The following ARHGAP28 variants were observed in gnomAD, a reference collection of about 807,000 sequenced individuals.
ARHGAP28 encodes the protein rho GTPase-activating protein 28.
A neutral mutation model predicts 90.7 loss-of-function variants in ARHGAP28; 56 were observed. That is an observed-to-expected ratio of 0.62 (90% CI 0.50 to 0.77). The LOEUF (loss-of-function observed/expected upper bound fraction) is 0.77, where lower values mean the gene tolerates loss of function less well. Ranked by LOEUF, ARHGAP28 falls within the 30% of genes least tolerant of loss-of-function variation. The pLI, the probability that ARHGAP28 is intolerant of heterozygous loss-of-function variation, is 0.00. For missense variants in ARHGAP28, 869 were observed against 900.9 expected (o/e 0.96, Z 0.45); for synonymous variants, 308 against 323.3 (o/e 0.95, Z 0.51).
In ARHGAP28 at chr18:6,868,218, T is replaced by A. The variant is rs2057053466; in HGVS notation, c.795T>A (p.Val265=). ...GATCACCGGAGCCTGGACAGCCAGT[T>A]CAGAATGCGATAAGTGGTGAGCGGC... ...SNGSPEPGQP[V]QNAISDDDFL... is the part of the protein sequence containing the mutation. The change falls in exon 6 of 18, where the codon GTT becomes GTA. Residue 265 remains valine, a synonymous_variant. Coordinates refer to ENST00000383472, the MANE Select transcript of ARHGAP28 (RefSeq NM_001366230.1). 6.2e-7 allele frequency: 1 copy of A among 1,614,124 alleles called. No individual in the cohort carries two copies. Among genetic ancestry groups the A allele is most frequent in the Non-Finnish European group, 8.5e-7 (1 of 1,179,970 alleles).
intron 1 of ARHGAP28, among the ~76,000 whole-genome samples, chr18:6,763,121 T>G (rs1256268503): frequency 2.6e-5 from 4 of 152,084 alleles, no homozygotes; most frequent in African/African-American, 4.8e-5. Flanking sequence ...GATGGAGTCT[T>G]GCACTGTCTC....
intron 1 of ARHGAP28, among the ~76,000 whole-genome samples, chr18:6,815,993 C>T (rs575667530): frequency 4.3e-4 from 65 of 152,088 alleles, no homozygotes; most frequent in African/African-American, 1.5e-3. Context: ...CCTTCCCAAT[C>T]TACAAACACA....
At chr18:6,868,127 G>T (rs367612290) in intron 5 of ARHGAP28, 23 bp from the exon 6 acceptor site, 2 of 1,594,532 alleles carry the variant, frequency 1.3e-6, no homozygotes, top group African/African-American at 1.3e-5. Flanking sequence ...AATGTTTTGT[G>T]TTCATCTTCC....
chr18:6,890,372 G>C, intron 13 of ARHGAP28, 58 bp from the exon 14 acceptor site: 1 of 1,141,192 alleles, frequency 8.8e-7, no homozygotes, highest in Admixed American at 2.0e-5. Flanking sequence ...AAGACAATCT[G>C]CTAGGGAGTT....
intron 1 of ARHGAP28, among the ~76,000 whole-genome samples, chr18:6,743,078 A>G (rs1463138874): frequency 6.6e-6 from 1 of 152,162 alleles, no homozygotes; most frequent in Admixed American, 6.5e-5. Context: ...CAGAAAGTAG[A>G]TATGATTCCT....
At chr18:6,768,578 T>G (rs1178051528) in intron 1 of ARHGAP28, among the ~76,000 whole-genome samples, 4 of 152,080 alleles carry the variant, frequency 2.6e-5, no homozygotes, top group Non-Finnish European at 5.9e-5. Context: ...TTATGGAAGA[T>G]CCTTTTCTGG....
At position 6,780,300 on chromosome 18, in the gene ARHGAP28, A is replaced by G. The variant is rs537212996; in HGVS notation, c.123-44462A>G. On this transcript the variant is annotated intron_variant, in intron 1 of 17. Transcript: ENST00000383472. Reference sequence around the variant, plus strand: ...AACCTTGAATCAAAAATATTTGGGGAAAAAAAAACAATAAAAACTAACTAC... The same window carrying G: ...AACCTTGAATCAAAAATATTTGGGGGAAAAAAAACAATAAAAACTAACTAC... Among the ~76,000 whole-genome samples the G allele has an allele frequency of 4.5e-4, 68 of 151,442 alleles. 1 individual carries two copies. Among genetic ancestry groups the G allele is most frequent in the African/African-American group, 1.2e-3 (48 of 41,134 alleles).
chr18:6,839,353 G>A (rs540334298), intron 3 of ARHGAP28, among the ~76,000 whole-genome samples: 1 of 148,332 alleles, frequency 6.7e-6, no homozygotes, highest in South Asian at 2.1e-4. Flanking sequence ...GAGTGCAGTG[G>A]CGCAATCTCG....
Position 6,908,011 on chromosome 18 carries a change from C to T in ARHGAP28, c.2031-949C>T, listed in dbSNP as rs77250674. ...ACTCCTTGATGGGGATGGAGGTCAG[C>T]GATGGTCATTCAGACTCTTCTAACC... On this transcript the variant is annotated intron_variant, in intron 16 of 17. Transcript: ENST00000383472. Among the ~76,000 whole-genome samples, 935 of 152,212 alleles carry T rather than the reference C, an allele frequency of 6.1e-3. 8 individuals carry two copies. Among genetic ancestry groups the T allele is most frequent in the African/African-American group, 0.021 (873 of 41,534 alleles).
chr18:6,768,131 C>T (rs1485435029), intron 1 of ARHGAP28, among the ~76,000 whole-genome samples: 5 of 152,032 alleles, frequency 3.3e-5, no homozygotes, highest in Non-Finnish European at 7.4e-5. Context: ...ATATTTTGTT[C>T]ATTTCCAGAA....
rs2055863412 is a variant in ARHGAP28, at chr18:6,730,055, C to G, written c.122+112C>G. On this transcript the variant is annotated intron_variant, in intron 1 of 17. Coordinates refer to ENST00000383472, the MANE Select transcript of ARHGAP28 (RefSeq NM_001366230.1). ...CGACCGCCGTCACTGGATGTTGTTT[C>G]AAGTTTTGGTGGACTAGATGAGTGA... The G allele has an allele frequency of 5.3e-6, 6 of 1,137,234 alleles. No individual in the cohort carries two copies. In the South Asian group the frequency reaches 1.1e-4, roughly 21 times the overall value. The allele number at this position is 1,137,234 out of a possible 1,614,324, so 70.4% of individuals were successfully genotyped here.
At chr18:6,794,869 G>A (rs751396933) in intron 1 of ARHGAP28, among the ~76,000 whole-genome samples, 1 of 151,966 alleles carries the variant, frequency 6.6e-6, no homozygotes, top group Non-Finnish European at 1.5e-5. Context: ...TTTTTATAGA[G>A]ACAGGGTTTC....
chr18:6,915,211 C>A lies in ARHGAP28; in HGVS notation c.*3057C>A, dbSNP rs1423309260. The A allele has an allele frequency of 6.6e-6, 1 of 152,212 alleles. No individual in the cohort carries two copies. The highest frequency in any genetic ancestry group is 6.5e-5 in the Admixed American group (1 of 15,278). 9.4% of individuals were successfully genotyped at this position (152,212 alleles called of 1,614,324 possible). A position where few individuals can be genotyped will look rare whatever the true frequency, so the allele number is the denominator to read the frequency against. ...TTGAGTTTCTAACCATGTGCAGATGCAAGCGTTCAGGAGTAGGAATTAATG... is the reference window on the plus strand; with the variant it reads ...TTGAGTTTCTAACCATGTGCAGATGAAAGCGTTCAGGAGTAGGAATTAATG... On this transcript the variant is annotated 3_prime_UTR_variant, in exon 18 of 18. Coordinates refer to ENST00000383472, the MANE Select transcript of ARHGAP28 (RefSeq NM_001366230.1).
At chr18:6,811,535 A>G (rs1232524626) in intron 1 of ARHGAP28, among the ~76,000 whole-genome samples, 2 of 152,230 alleles carry the variant, frequency 1.3e-5, no homozygotes, top group African/African-American at 2.4e-5. Flanking sequence ...ACATTCAAAC[A>G]TATTTCTAAG....
At chr18:6,813,653 C>A (rs1259317634) in intron 1 of ARHGAP28, among the ~76,000 whole-genome samples, 1 of 151,982 alleles carries the variant, frequency 6.6e-6, no homozygotes, top group East Asian at 1.9e-4. Context: ...AAGTGTGAAG[C>A]CTTATATTTT....
intron 1 of ARHGAP28, among the ~76,000 whole-genome samples, chr18:6,762,095 C>T (rs879775363): frequency 1.3e-5 from 2 of 152,182 alleles, no homozygotes; most frequent in African/African-American, 2.4e-5. Context: ...CCAATCACCC[C>T]ATTGATTAGC....
intron 6 of ARHGAP28, among the ~76,000 whole-genome samples, chr18:6,868,455 T>C (rs1018609604): frequency 1.3e-5 from 2 of 152,298 alleles, no homozygotes; most frequent in African/African-American, 4.8e-5. Context: ...GCAGAATCTT[T>C]TCCTCCTTCA....
chr18:6,866,393 A>AT (rs2057038127), intron 5 of ARHGAP28, among the ~76,000 whole-genome samples: 2 of 152,184 alleles, frequency 1.3e-5, no homozygotes, highest in Non-Finnish European at 2.9e-5. Flanking sequence ...AGATATTTCC[A>AT]TGCCTGAAAT....
chr18:6,731,526 G>C lies in ARHGAP28; in HGVS notation c.122+1583G>C, dbSNP rs73380715. Among the ~76,000 whole-genome samples, 320 of 152,236 alleles carry C rather than the reference G, an allele frequency of 2.1e-3. 2 individuals carry two copies. Among genetic ancestry groups the C allele is most frequent in the African/African-American group, 7.4e-3 (309 of 41,522 alleles). ...GGAATGATAATACATGAGAGCAAGC[G>C]TTACGTGTCAGAGCTAGTATTTCAC... On this transcript the variant is annotated intron_variant, in intron 1 of 17. Transcript: ENST00000383472.
Sources: allele counts gnomAD v4.1 joint callset (sites outside exome capture counted in the v4.1 genomes callset), GRCh38; gene constraint gnomAD v4.1.1; transcripts MANE v1.5; gene names NCBI Gene and HGNC (gene_info 2026-07-23, HGNC 2026-07-21).